Variants in TUSC3 observed in about 807,000 individuals in gnomAD.
The protein encoded by TUSC3 is tumor suppressor candidate 3.
Under a neutral mutation model 44.8 loss-of-function variants are expected in TUSC3, and 45 were observed. That is an observed-to-expected ratio of 1.00 (90% CI 0.79 to 1.29). TUSC3 has a LOEUF of 1.29. TUSC3 is among the 50% of genes most tolerant of loss of function. TUSC3 has a pLI of 0.00. For missense variants in TUSC3, 519 were observed against 437.9 expected, an observed-to-expected ratio of 1.19 and a Z score of -1.65; for synonymous variants, 212 against 152.9, an observed-to-expected ratio of 1.39 and a Z score of -2.85.
intron 2 of TUSC3, among the ~76,000 whole-genome samples, chr8:15,528,380 A>T (rs1006674828): frequency 6.6e-6 from 1 of 152,214 alleles, no homozygotes; most frequent in African/African-American, 2.4e-5. Context: ...ATTAATTTTA[A>T]AAGTTCGATA....
chr8:15,549,342 T>A (rs1051583533), intron 1 of TUSC3, among the ~76,000 whole-genome samples: 5 of 151,446 alleles, frequency 3.3e-5, no homozygotes, highest in African/African-American at 1.2e-4. Context: ...TCTGGCTGAT[T>A]TTTGTATTTT....
At chr8:15,527,432 G>C (rs1400010006) in intron 2 of TUSC3, among the ~76,000 whole-genome samples, 1 of 152,124 alleles carries the variant, frequency 6.6e-6, no homozygotes, top group South Asian at 2.1e-4. Context: ...GTCCAGGCTG[G>C]TCTCAAACTC....
In TUSC3 at chr8:15,558,330, C is replaced by T. The variant is rs1304277469; in HGVS notation, c.138+17762C>T. ...ATTTATTGATTTGCGTATATTGAAC[C>T]AGCCTTGCCGTCCCAGGGATGAAGC... On this transcript the variant is annotated intron_variant, in intron 1 of 10. Coordinates refer to ENST00000503731, the MANE Select transcript of TUSC3 (RefSeq NM_006765.4). 4.2e-5 allele frequency among the ~76,000 whole-genome samples: 2 copies of T among 47,360 alleles called. 1 individual carries two copies. Among genetic ancestry groups the T allele is most frequent in the Non-Finnish European group, 1.3e-4 (2 of 15,530 alleles). The allele number at this position is 47,360 out of a possible 152,430, so 31.1% of individuals were successfully genotyped here. A position where few individuals can be genotyped will look rare whatever the true frequency, so the allele number is the denominator to read the frequency against.
At chr8:15,707,196 T>TAATGTA (rs1809654402) in intron 6 of TUSC3, among the ~76,000 whole-genome samples, 1 of 152,042 alleles carries the variant, frequency 6.6e-6, no homozygotes, top group South Asian at 2.1e-4. Flanking sequence ...ATTGAACTGG[T>TAATGTA]AATGTAAATG....
chr8:15,546,289 A>G (rs1801861398), intron 1 of TUSC3, among the ~76,000 whole-genome samples: 1 of 151,754 alleles, frequency 6.6e-6, no homozygotes, highest in South Asian at 2.1e-4. Context: ...GTTTTATGGA[A>G]AACAAATTTT....
At chr8:15,728,559 C>G (rs946678763) in intron 6 of TUSC3, among the ~76,000 whole-genome samples, 3 of 151,950 alleles carry the variant, frequency 2.0e-5, no homozygotes. Context: ...GGATTTTTGC[C>G]TAAACAACTG....
intron 1 of TUSC3, among the ~76,000 whole-genome samples, chr8:15,419,065 G>C (rs1354340847): frequency 1.3e-5 from 2 of 152,046 alleles, no homozygotes; most frequent in African/African-American, 4.8e-5. Flanking sequence ...AATTTCATGT[G>C]GGCACCATAT....
chr8:15,846,398 C>G, the TUSC3 span, among the ~76,000 whole-genome samples: 1 of 152,122 alleles, frequency 6.6e-6, no homozygotes. Flanking sequence ...GTAAATCATT[C>G]TACTATAAAG....
intron 1 of TUSC3, among the ~76,000 whole-genome samples, chr8:15,604,123 G>C (rs957456242): frequency 6.6e-6 from 1 of 151,604 alleles, no homozygotes; most frequent in African/African-American, 2.4e-5. Context: ...ACAAAAGTTT[G>C]AATTAAAAGT....
At chr8:15,830,275 C>G in the TUSC3 span, among the ~76,000 whole-genome samples, 1 of 151,996 alleles carries the variant, frequency 6.6e-6, no homozygotes, top group Non-Finnish European at 1.5e-5. Context: ...TTTCTTTGCT[C>G]CACATAATCT....
At chr8:15,446,392 G>A (rs1800099374) in intron 1 of TUSC3, among the ~76,000 whole-genome samples, 1 of 152,054 alleles carries the variant, frequency 6.6e-6, no homozygotes, top group Admixed American at 6.5e-5. Flanking sequence ...GGAGGTGGAG[G>A]TTGTAGCGAG....
At chr8:15,681,045 T>C (rs973008338) in intron 6 of TUSC3, among the ~76,000 whole-genome samples, 1 of 152,058 alleles carries the variant, frequency 6.6e-6, no homozygotes, top group African/African-American at 2.4e-5. Flanking sequence ...GTGTGTAAAT[T>C]TTTGTTGTTG....
chr8:15,622,305 C>CT (rs1554461381), intron 1 of TUSC3, among the ~76,000 whole-genome samples: 173 of 149,402 alleles, frequency 1.2e-3, no homozygotes, highest in East Asian at 3.9e-3. Context: ...TCCTTTCTTT[C>CT]TTTTTTTTTA....
Position 15,650,656 on chromosome 8 carries a change from A to G in TUSC3, c.309-41A>G, listed in dbSNP as rs202193277. ...TTAATAACTGCTTTGTAGATGCTTCAGTACTGATGTGTTTCTACTATGGCC... is the reference window on the plus strand; with the variant it reads ...TTAATAACTGCTTTGTAGATGCTTCGGTACTGATGTGTTTCTACTATGGCC... On this transcript the variant is annotated intron_variant, in intron 2 of 10. Transcript: ENST00000503731. The G allele has an allele frequency of 3.2e-6, 5 of 1,552,958 alleles. No homozygotes were observed. The African/African-American group carries it at 4.1e-5, about 13-fold the overall frequency.
At chr8:15,640,469 C>T (rs74425033) in intron 2 of TUSC3, among the ~76,000 whole-genome samples, 6,075 of 152,278 alleles carry the variant, frequency 0.04, 160 homozygotes, top group Middle Eastern at 0.097. Context: ...ACTGGGGACG[C>T]CCAACACACA....
At chr8:15,678,831 C>T (rs1356403965) in intron 6 of TUSC3, among the ~76,000 whole-genome samples, 1 of 152,058 alleles carries the variant, frequency 6.6e-6, no homozygotes, top group Non-Finnish European at 1.5e-5. Flanking sequence ...TGTATATGTT[C>T]GTATGCACCC....
At position 15,483,314 on chromosome 8, in the gene TUSC3, G is replaced by GTT. The variant is rs139323625; in HGVS notation, n.92-68_92-67dup. The GTT allele has an allele frequency of 1.6e-3, 350 of 216,234 alleles. 2 individuals carry two copies. The highest frequency in any genetic ancestry group is 7.7e-3 in the African/African-American group (328 of 42,698). The allele number at this position is 216,234 out of a possible 1,614,324, so 13.4% of individuals were successfully genotyped here. On this transcript the variant is annotated intron_variant and non_coding_transcript_variant, in intron 1 of 5. Transcript: ENST00000503191. The stretch of plus-strand genomic sequence containing the variant: ...AGATGAAGAATAAAGAAAAAGCACT[G>GTT]TTTTTGTTGTTGTTGTTGTTGTTTT...
chr8:15,694,281 G>A (rs1384397357), intron 6 of TUSC3, among the ~76,000 whole-genome samples: 1 of 151,676 alleles, frequency 6.6e-6, no homozygotes, highest in Non-Finnish European at 1.5e-5. Flanking sequence ...TGTCTCTACT[G>A]AAAATACAAA....
At chr8:15,534,460 G>T (rs1050125312) in intron 2 of TUSC3, among the ~76,000 whole-genome samples, 3 of 151,902 alleles carry the variant, frequency 2.0e-5, no homozygotes, top group South Asian at 4.2e-4. Context: ...AAACTAACAC[G>T]GTGAAACCCC....
Sources: gnomAD v4.1 joint callset for allele counts (sites outside exome capture counted in the v4.1 genomes callset) on GRCh38, gnomAD v4.1.1 for gene constraint, MANE v1.5 for transcripts, NCBI Gene and HGNC (gene_info 2026-07-23, HGNC 2026-07-21) for gene names.